Variants in TYK2 observed in about 807,000 individuals in gnomAD.
TYK2 encodes non-receptor tyrosine-protein kinase TYK2.
TYK2 carries 65 observed loss-of-function variants against 130.9 expected under a neutral mutation model. The ratio of observed to expected loss-of-function variants is 0.50; its 90% CI spans 0.41 to 0.61. TYK2 has a LOEUF of 0.61. TYK2 is among the 20% of genes least tolerant of loss of function. TYK2 has a pLI of 0.00. For missense variants in TYK2, 1,378 were observed against 1,610.7 expected (o/e 0.86, Z 2.47); for synonymous variants, 647 against 658.9 (o/e 0.98, Z 0.28).
In TYK2 at chr19:10,358,147, G is replaced by A. The variant is rs370673325; in HGVS notation, c.2176-9C>T. 7.4e-5 allele frequency: 119 copies of A among 1,601,246 alleles called. No individual in the cohort carries two copies. The highest frequency in any genetic ancestry group is 9.3e-5 in the Non-Finnish European group (109 of 1,174,508). ...ACCAGGTTCTTGTTCTCCTGAGGTG[G>A]GCAGGAGAGGGGGTGTGGCCACTCA... On this transcript the variant is annotated splice_polypyrimidine_tract_variant and intron_variant, in intron 15 of 24. Transcript: ENST00000525621.
Position 10,350,604 on chromosome 19 carries a change from G to C in TYK2, c.*230C>G. On this transcript the variant is annotated 3_prime_UTR_variant, in exon 25 of 25. Coordinates refer to ENST00000525621, the MANE Select transcript of TYK2 (RefSeq NM_003331.5). ...CAAGTTTGGAAGCTGGGGGATTTAA[G>C]GGCTGGATTAGTGCCCCTACAAATG... The C allele has an allele frequency of 1.8e-6, 1 of 552,684 alleles. No individual in the cohort carries two copies. The highest frequency in any genetic ancestry group is 3.2e-6 in the Non-Finnish European group (1 of 308,912). The allele number at this position is 552,684 out of a possible 1,614,324, so 34.2% of individuals were successfully genotyped here.
chr19:10,366,323 A>G, intron 6 of TYK2, 94 bp downstream of exon 6: 3 of 1,331,770 alleles, frequency 2.3e-6, no homozygotes, highest in Non-Finnish European at 3.1e-6. Flanking sequence ...AAAAAAAAGT[A>G]GAGGCACGGC....
chr19:10,373,194 G>A (rs1036280742), intron 3 of TYK2, among the ~76,000 whole-genome samples: 4 of 150,968 alleles, frequency 2.6e-5, no homozygotes, highest in South Asian at 2.1e-4. Context: ...CCGCCACCAC[G>A]CCCGGCTAAT....
At chr19:10,365,126 G>A in intron 7 of TYK2, 78 bp from the exon 8 acceptor site, 1 of 1,452,618 alleles carries the variant, frequency 6.9e-7, no homozygotes. Flanking sequence ...CCTGGGGAGA[G>A]ACTGGAGCCA....
At position 10,357,874 on chromosome 19, in the gene TYK2, C is replaced by G; in HGVS notation, c.2356G>C (p.Gly786Arg). ...IPWLAPECLP[G>R]GANSLSTAMD... ...GCGGTGCTTAGGCTGTTGGCCCCAC[C>G]TGGTAGGCATTCGGGGGCCAGCCAG... is the stretch of plus-strand genomic sequence containing the variant. The change falls in exon 17 of 25, where the codon GGT becomes CGT. Residue 786 changes from glycine to arginine, a missense_variant. By Grantham distance (125) the Gly-to-Arg change is moderately radical (BLOSUM62 -2). Transcript: ENST00000525621. 1 of 1,613,548 alleles carries G rather than the reference C, an allele frequency of 6.2e-7. No homozygotes were observed. Among genetic ancestry groups the G allele is most frequent in the Non-Finnish European group, 8.5e-7 (1 of 1,180,028 alleles).
intron 3 of TYK2, among the ~76,000 whole-genome samples, chr19:10,376,025 T>A (rs1205427891): frequency 6.7e-6 from 1 of 148,782 alleles, no homozygotes; most frequent in Non-Finnish European, 1.5e-5. Context: ...TTTTTTTTTT[T>A]CTTTGAGATG....
At chr19:10,370,441 G>C (rs1314993866) in intron 3 of TYK2, among the ~76,000 whole-genome samples, 4 of 151,806 alleles carry the variant, frequency 2.6e-5, no homozygotes, top group Admixed American at 6.6e-5. Flanking sequence ...TTGAACCCGG[G>C]AGGTGGAGGG....
Position 10,350,966 on chromosome 19 carries a change from G to T in TYK2, c.3432C>A (p.Val1144=), listed in dbSNP as rs1001433036. The T allele has an allele frequency of 6.2e-7, 1 of 1,614,196 alleles. No homozygotes were observed. Among genetic ancestry groups the T allele is most frequent in the Non-Finnish European group, 8.5e-7 (1 of 1,180,036 alleles). The part of the protein sequence containing the change: ...LPRPDKCPCE[V]YHLMKNCWET... ...CCCAGCAGTTCTTCATGAGATGATA[G>T]ACCTAGAAGGAAAAACCAGGGCTGG... The change falls in exon 25 of 25, where the codon GTC becomes GTA. Residue 1144 remains valine, a splice_region_variant and synonymous_variant. Transcript: ENST00000525621.
At position 10,354,628 on chromosome 19, in the gene TYK2, G is replaced by A. The variant is rs748880991; in HGVS notation, c.2618-19C>T. ...GCAAGATCTGGAAGAGTTGCGGTGG[G>A]TAAAGGCCTGACCCCGATCCTTTCC... On this transcript the variant is annotated intron_variant, in intron 18 of 24. Transcript: ENST00000525621. The A allele has an allele frequency of 5.0e-6, 8 of 1,603,328 alleles. No individual in the cohort carries two copies. The East Asian group carries it at 1.1e-4, about 22-fold the overall frequency.
chr19:10,356,491 C>G (rs2041107546), intron 18 of TYK2, 77 bp downstream of exon 18: 1 of 1,580,756 alleles, frequency 6.3e-7, no homozygotes, highest in Non-Finnish European at 8.6e-7. Flanking sequence ...AGAGACCTCT[C>G]GTGCGCTATA....
At position 10,354,499 on chromosome 19, in the gene TYK2, G is replaced by A; in HGVS notation, c.2715+13C>T. On this transcript the variant is annotated intron_variant, in intron 19 of 24. Transcript: ENST00000525621. ...CCAGGCGGGCCTTTTAGCAGCTCAG[G>A]CCCGTCCCTCACCTCGCCCAGATCT... 1.2e-6 allele frequency: 2 copies of A among 1,612,970 alleles called. No individual in the cohort carries two copies. The highest frequency in any genetic ancestry group is 1.7e-6 in the Non-Finnish European group (2 of 1,179,034).
At position 10,365,874 on chromosome 19, in the gene TYK2, G is replaced by A. The variant is rs1216151816; in HGVS notation, c.654C>T (p.Ser218=). The A allele has an allele frequency of 1.2e-6, 2 of 1,611,404 alleles. No homozygotes were observed. The highest frequency in any genetic ancestry group is 1.7e-6 in the Non-Finnish European group (2 of 1,179,252). Reference sequence around the variant, plus strand: ...TGTGCTGCCGGATATGCCGGCGGAAGGAGCGCGGGATGCAGTCCTTGAAGC... The same window carrying A: ...TGTGCTGCCGGATATGCCGGCGGAAAGAGCGCGGGATGCAGTCCTTGAAGC... ...KTSFKDCIPR[S]FRRHIRQHSA... is the part of the protein sequence containing the mutation. The change falls in exon 7 of 25, where the codon TCC becomes TCT. Residue 218 remains serine (S), a synonymous_variant. Transcript: ENST00000525621.
intron 23 of TYK2, among the ~76,000 whole-genome samples, chr19:10,352,116 A>AG (rs1229578091): frequency 1.4e-5 from 2 of 144,424 alleles, no homozygotes; most frequent in Non-Finnish European, 3.0e-5. Context: ...TCTGTCACCC[A>AG]GCTGGAGTGC....
chr19:10,371,997 G>GT lies in TYK2; in HGVS notation c.194-3580dup, dbSNP rs1323159062. Among the ~76,000 whole-genome samples the GT allele has an allele frequency of 4.4e-3, 637 of 145,418 alleles. 3 individuals carry two copies. The highest frequency in any genetic ancestry group is 0.032 in the East Asian group (163 of 5,032). ...TCAGGGAAGATGTTTCTGAGTTTTT[G>GT]TTTTTTTTTTTGAGACGGAGTCTCG... On this transcript the variant is annotated intron_variant, in intron 3 of 24. Transcript: ENST00000525621.
intron 3 of TYK2, among the ~76,000 whole-genome samples, chr19:10,377,417 T>G (rs1003930538): frequency 7.1e-6 from 1 of 141,782 alleles, no homozygotes. Context: ...GATGGATGGA[T>G]GGATGGATGG....
At position 10,353,974 on chromosome 19, in the gene TYK2, C is replaced by G. The variant is rs1192025034; in HGVS notation, c.2908+68G>C. 2.6e-6 allele frequency: 4 copies of G among 1,532,372 alleles called. No homozygotes were observed. The highest frequency in any genetic ancestry group is 1.4e-5 in the African/African-American group (1 of 73,224). 94.9% of individuals were successfully genotyped at this position (1,532,372 alleles called of 1,614,324 possible). ...ATTGGCTAGGCCAGACTGGCCCCGC[C>G]CACAAGGCCACACCCACGCTCTAAC... On this transcript the variant is annotated intron_variant, in intron 20 of 24. Transcript: ENST00000525621. This position sits in a 1 kb window ranked among gnomAD's most constrained non-coding sequence, Gnocchi z 6.9.
rs12720311 is a variant in TYK2 at position 10,356,311 on chromosome 19, G to A, written c.2617+257C>T. ...GGAGGATTGCTTGAACCTGGGAGGT[G>A]GAGGTTGCAGTGAGCCAAGATCACG... On this transcript the variant is annotated intron_variant, in intron 18 of 24. Transcript: ENST00000525621. 0.021 allele frequency among the ~76,000 whole-genome samples: 3,144 copies of A among 152,266 alleles called. 112 individuals are homozygous for A. Among genetic ancestry groups the A allele is most frequent in the African/African-American group, 0.071 (2,960 of 41,554 alleles).
Position 10,354,603 on chromosome 19 carries a change from G to A in TYK2, c.2624C>T (p.Ala875Val). Residue 875 changes from alanine to valine, a missense_variant, in exon 19 of 25, where the codon GCT (alanine) becomes GTT (valine). Physicochemically the swap from Ala to Val is moderately conservative, Grantham distance 64 (BLOSUM62 0). Transcript: ENST00000525621. ...DLTRLQPHNLADVLTVNPDSP... is the reference protein window; with the variant it reads ...DLTRLQPHNLVDVLTVNPDSP... ...GTCCGGGTTCACAGTCAAGACGTCA[G>A]CAAGATCTGGAAGAGTTGCGGTGGG... The A allele has an allele frequency of 6.2e-7, 1 of 1,613,954 alleles. No individual in the cohort carries two copies. The highest frequency in any genetic ancestry group is 8.5e-7 in the Non-Finnish European group (1 of 1,179,944).
chr19:10,370,610 G>A (rs1250000908), intron 3 of TYK2, among the ~76,000 whole-genome samples: 1 of 151,916 alleles, frequency 6.6e-6, no homozygotes, highest in Non-Finnish European at 1.5e-5. Flanking sequence ...TTGAGGGCAG[G>A]AGTTTGAGAC....
Sources: gnomAD v4.1 joint callset for allele counts (sites outside exome capture counted in the v4.1 genomes callset) on GRCh38, gnomAD v4.1.1 for gene constraint, Gnocchi (gnomAD v3.1) non-coding constraint, MANE v1.5 for transcripts, NCBI Gene and HGNC (gene_info 2026-07-23, HGNC 2026-07-21) for gene names.